The following ANKRD27 variants were observed in gnomAD, a reference collection of about 807,000 sequenced individuals.
ANKRD27 encodes ankyrin repeat domain-containing protein 27.
Under a neutral mutation model 129.7 loss-of-function variants are expected in ANKRD27, and 112 were observed. That is an observed-to-expected ratio of 0.86 (90% confidence interval 0.74 to 1.01). The LOEUF (loss-of-function observed/expected upper bound fraction) is 1.01. ANKRD27 is among the 50% of genes least tolerant of loss of function. The pLI is 0.00. For synonymous variants in ANKRD27, 516 were observed against 511.2 expected, an observed-to-expected ratio of 1.01 and a Z score of -0.13; for missense variants, 1,258 against 1,300.5, an observed-to-expected ratio of 0.97 and a Z score of 0.50.
rs767156887 is a variant in ANKRD27, at chr19:32,649,760, G to A, written c.135C>T (p.Ser45=). Reference sequence around the variant, plus strand: ...CAAACTGACAAGTAGACTGGATGCTGCTCGACAGGCTTCCTTTGCAGGGTA... The same window carrying A: ...CAAACTGACAAGTAGACTGGATGCTACTCGACAGGCTTCCTTTGCAGGGTA... The part of the protein sequence containing the change: ...VLVPCKGSLS[S]SIQSTCQFES... The change falls in exon 3 of 29, where the codon AGC becomes AGT. Residue 45 remains serine (S), a synonymous_variant. Transcript: ENST00000306065. 3.7e-6 allele frequency: 6 copies of A among 1,613,984 alleles called. No individual in the cohort carries two copies. The highest frequency in any genetic ancestry group is 5.1e-6 in the Non-Finnish European group (6 of 1,179,882).
At chr19:32,633,798 G>A (rs1211921062) in intron 12 of ANKRD27, among the ~76,000 whole-genome samples, 1 of 151,864 alleles carries the variant, frequency 6.6e-6, no homozygotes, top group Non-Finnish European at 1.5e-5. Context: ...GAGGTGGGAG[G>A]ATCACATGAG....
intron 1 of ANKRD27, among the ~76,000 whole-genome samples, chr19:32,672,147 C>T (rs920866831): frequency 1.3e-5 from 2 of 152,254 alleles, no homozygotes; most frequent in African/African-American, 4.8e-5. Context: ...CGTTCCCGCC[C>T]TTCCGGGGCT....
chr19:32,674,172 AAAAG>A (rs1967931820), intron 1 of ANKRD27, among the ~76,000 whole-genome samples: 3 of 152,018 alleles, frequency 2.0e-5, no homozygotes, highest in Admixed American at 1.3e-4. Flanking sequence ...GAAAAAAACG[AAAAG>A]AAAGAAAAGA....
chr19:32,628,714 C>G lies in ANKRD27; in HGVS notation c.1337+8G>C, dbSNP rs367796806. ...TGGCACTCTGAGCCTCCACCAGCAC[C>G]CTCTTACCCAGAGACGAGTTTCTCA... On this transcript the variant is annotated splice_region_variant and intron_variant, in intron 14 of 28. Coordinates refer to ENST00000306065, the MANE Select transcript of ANKRD27 (RefSeq NM_032139.3). 1 of 1,613,590 alleles carries G rather than the reference C, an allele frequency of 6.2e-7. No homozygotes were observed. Among genetic ancestry groups the G allele is most frequent in the African/African-American group, 1.3e-5 (1 of 74,902 alleles).
chr19:32,656,407 G>C (rs769633085), intron 2 of ANKRD27, among the ~76,000 whole-genome samples: 6 of 152,152 alleles, frequency 3.9e-5, no homozygotes, highest in Non-Finnish European at 5.9e-5. Context: ...TTTCCTCTGC[G>C]ACACTCACCA....
intron 22 of ANKRD27, among the ~76,000 whole-genome samples, chr19:32,609,251 C>T (rs1477597344): frequency 6.6e-6 from 1 of 152,090 alleles, no homozygotes; most frequent in East Asian, 1.9e-4. Flanking sequence ...CATATCCTTA[C>T]TATATAATCC....
intron 24 of ANKRD27, among the ~76,000 whole-genome samples, chr19:32,604,949 G>A (rs1230431910): frequency 6.6e-6 from 1 of 152,090 alleles, no homozygotes; most frequent in African/African-American, 2.4e-5. Flanking sequence ...GTGGGCGCCT[G>A]TAGTTCCAGC....
intron 22 of ANKRD27, among the ~76,000 whole-genome samples, chr19:32,613,706 C>CTT (rs58394462): frequency 0.15 from 19,363 of 132,744 alleles, 1,981 homozygotes; most frequent in Middle Eastern, 0.23. Context: ...ATTTATGTAA[C>CTT]TTTTTTTTTT....
At chr19:32,635,583 G>A (rs1967073837) in intron 12 of ANKRD27, among the ~76,000 whole-genome samples, 1 of 152,056 alleles carries the variant, frequency 6.6e-6, no homozygotes. Context: ...GGGATTATAG[G>A]CATGAGCCAC....
intron 1 of ANKRD27, among the ~76,000 whole-genome samples, chr19:32,670,449 G>C (rs536743316): frequency 3.7e-5 from 5 of 134,470 alleles, no homozygotes; most frequent in South Asian, 2.9e-4. Context: ...CGAGGCGGGC[G>C]GATCACCTGA....
Position 32,597,952 on chromosome 19 carries a change from GGAGA to G in ANKRD27, c.*189_*192del. On this transcript the variant is annotated 3_prime_UTR_variant, in exon 29 of 29. Coordinates refer to ENST00000306065, the MANE Select transcript of ANKRD27 (RefSeq NM_032139.3). ...CAATTGTATTCATTAGCTTTGAAGA[GGAGA>G]GAGATGGTGGTGGTTAACTTTTTTG... 1.7e-6 allele frequency: 1 copy of G among 599,410 alleles called. No individual in the cohort carries two copies. Among genetic ancestry groups the G allele is most frequent in the Non-Finnish European group, 3.0e-6 (1 of 336,280 alleles). 37.1% of individuals were successfully genotyped at this position (599,410 alleles called of 1,614,324 possible).
Position 32,642,053 on chromosome 19 carries a change from T to C in ANKRD27, c.875A>G (p.Gln292Arg), listed in dbSNP as rs1599760083. 6.2e-7 allele frequency: 1 copy of C among 1,610,962 alleles called. No homozygotes were observed. Residue 292 changes from glutamine to arginine, a missense_variant, in exon 10 of 29, where the codon CAG becomes CGG. Coordinates refer to ENST00000306065, the MANE Select transcript of ANKRD27 (RefSeq NM_032139.3). The part of the protein sequence containing the change: ...QKLVCLRKVV[Q>R]LITQSPSQRV... ...CTGGCTTGGAGACTGTGTAATGAGC[T>C]GCACCACTTTTCGCAAGCAGACAAG...
At chr19:32,648,203 T>C (rs930847538) in intron 3 of ANKRD27, among the ~76,000 whole-genome samples, 3 of 151,914 alleles carry the variant, frequency 2.0e-5, no homozygotes, top group Non-Finnish European at 4.4e-5. Flanking sequence ...GAGGCGCAGG[T>C]TGCAGTGAGC....
chr19:32,608,480 T>G (rs991691274), intron 22 of ANKRD27: 1 of 267,970 alleles, frequency 3.7e-6, no homozygotes, highest in African/African-American at 2.3e-5. Flanking sequence ...TAATTTTACT[T>G]TTTGATGATT....
intron 17 of ANKRD27, among the ~76,000 whole-genome samples, chr19:32,622,944 GT>G (rs5827812): frequency 2.7e-4 from 39 of 143,286 alleles, no homozygotes; most frequent in East Asian, 6.2e-4. Context: ...TGCCTGGATG[GT>G]TTTTTTTTTT....
chr19:32,623,730 T>C (rs1972048851), intron 17 of ANKRD27, among the ~76,000 whole-genome samples: 1 of 151,996 alleles, frequency 6.6e-6, no homozygotes, highest in South Asian at 2.1e-4. Context: ...TGTATTTTTT[T>C]AGTAGAGACA....
In ANKRD27 at chr19:32,656,103, G is replaced by GAAAGGAAGGAAAAGAAAAGA. The variant is rs1555747137; in HGVS notation, c.102+2810_102+2811insTCTTTTCTTTTCCTTCCTTT. Reference sequence around the variant, plus strand: ...AGAAAGAAAGAAAGAAAGAAAGAAAGAAAGAAAAGAAAAGAAAAGAAAAGA... The same window carrying GAAAGGAAGGAAAAGAAAAGA: ...AGAAAGAAAGAAAGAAAGAAAGAAAGAAAGGAAGGAAAAGAAAAGAAAAGAAAAGAAAAGAAAAGAAAAGA... On this transcript the variant is annotated intron_variant, in intron 2 of 28. Coordinates refer to ENST00000306065, the MANE Select transcript of ANKRD27 (RefSeq NM_032139.3). 1.3e-4 allele frequency among the ~76,000 whole-genome samples: 16 copies of GAAAGGAAGGAAAAGAAAAGA among 123,756 alleles called. No homozygotes were observed. The East Asian group carries it at 2.2e-3, about 17-fold the overall frequency. The allele number at this position is 123,756 out of a possible 152,430, so 81.2% of individuals were successfully genotyped here. A position where few individuals can be genotyped will look rare whatever the true frequency, so the allele number is the denominator to read the frequency against.
At chr19:32,617,446 C>A in intron 21 of ANKRD27, 143 bp downstream of exon 21, 1 of 466,090 alleles carries the variant, frequency 2.1e-6, no homozygotes, top group Non-Finnish European at 3.9e-6. Context: ...ATTCAAGAGG[C>A]TGAGGCAAGA....
intron 1 of ANKRD27, among the ~76,000 whole-genome samples, chr19:32,669,225 G>A (rs1967819789): frequency 6.6e-6 from 1 of 152,142 alleles, no homozygotes; most frequent in South Asian, 2.1e-4. Flanking sequence ...GGTGCCCTGG[G>A]TTCTGCTTGA....
Sources: allele counts gnomAD v4.1 joint callset (sites outside exome capture counted in the v4.1 genomes callset), GRCh38; gene constraint gnomAD v4.1.1; transcripts MANE v1.5; gene names NCBI Gene and HGNC (gene_info 2026-07-23, HGNC 2026-07-21).